Variants in BPI observed in about 807,000 individuals in gnomAD.
The protein encoded by BPI is bactericidal permeability increasing protein.
In BPI, 48 loss-of-function variants were observed where a neutral mutation model predicts 57.6. The ratio of observed to expected loss-of-function variants is 0.83; its 90% CI spans 0.66 to 1.06. BPI has a LOEUF of 1.06. Among genes scored for constraint, BPI ranks in the 50% least tolerant of loss-of-function variants. The pLI, the probability that BPI is intolerant of heterozygous loss-of-function variation, is 0.00. For missense variants in BPI, 651 were observed against 609.7 expected (o/e 1.07, Z -0.71); for synonymous variants, 237 against 238.2 (o/e 0.99, Z 0.05).
chr20:38,336,919 C>G (rs1448919875), intron 14 of BPI, among the ~76,000 whole-genome samples: 1 of 152,148 alleles, frequency 6.6e-6, no homozygotes, highest in Non-Finnish European at 1.5e-5. Context: ...GTCTCCGTGT[C>G]TAAGAAGGAG....
intron 14 of BPI, among the ~76,000 whole-genome samples, chr20:38,336,138 A>G (rs1030826978): frequency 6.6e-6 from 1 of 152,008 alleles, no homozygotes; most frequent in Admixed American, 6.5e-5. Context: ...TGCATTTGAC[A>G]CTGATGCGCT....
At position 38,337,257 on chromosome 20, in the gene BPI, C is replaced by A; in HGVS notation, c.*73C>A. 7.6e-7 allele frequency: 1 copy of A among 1,318,372 alleles called. No homozygotes were observed. The highest frequency in any genetic ancestry group is 1.3e-5 in the South Asian group (1 of 74,330). 81.7% of individuals were successfully genotyped at this position (1,318,372 alleles called of 1,614,324 possible). ...GCTGTGGGGCACCGGCTGCCTTTCC[C>A]CAGGGAATCCTCTCCAGATCTTAAC... On this transcript the variant is annotated 3_prime_UTR_variant, in exon 15 of 15. Coordinates refer to ENST00000642449, the MANE Select transcript of BPI (RefSeq NM_001725.3).
At chr20:38,336,904 G>A (rs1016644038) in intron 14 of BPI, among the ~76,000 whole-genome samples, 6 of 152,100 alleles carry the variant, frequency 3.9e-5, no homozygotes, top group African/African-American at 7.2e-5. Flanking sequence ...AAAACAGCCC[G>A]GGGGGTCTCC....
intron 8 of BPI, 29 bp from the exon 9 acceptor site, chr20:38,324,745 C>G (rs377647713): frequency 8.5e-5 from 135 of 1,586,268 alleles, no homozygotes; most frequent in Non-Finnish European, 1.1e-4. Context: ...CAGCATCCTC[C>G]GAGATCCTTT....
intron 1 of BPI, among the ~76,000 whole-genome samples, chr20:38,307,323 C>T (rs994678152): frequency 6.6e-6 from 1 of 152,232 alleles, no homozygotes; most frequent in East Asian, 1.9e-4. Context: ...ATGATATTGT[C>T]TATGGCTGTT....
rs2076623514 is a variant in BPI, at chr20:38,311,856, C to T, written c.537-18C>T. 2.5e-6 allele frequency: 4 copies of T among 1,613,288 alleles called. No homozygotes were observed. The highest frequency in any genetic ancestry group is 1.3e-5 in the African/African-American group (1 of 74,986). ...CAATCAAAAAGCCTCATCTATGTCCCTACTTGTTCATCTCTAGGTGGCTGA... is the reference window on the plus strand; with the variant it reads ...CAATCAAAAAGCCTCATCTATGTCCTTACTTGTTCATCTCTAGGTGGCTGA... On this transcript the variant is annotated intron_variant, in intron 4 of 14. Transcript: ENST00000642449.
chr20:38,334,225 A>G (rs1415912058), intron 12 of BPI, among the ~76,000 whole-genome samples: 8 of 152,208 alleles, frequency 5.3e-5, no homozygotes, highest in Admixed American at 2.6e-4. Context: ...CCATTGGAGC[A>G]AAAGAAACCA....
chr20:38,313,553 G>A (rs2122506706), intron 5 of BPI, among the ~76,000 whole-genome samples: 2 of 152,284 alleles, frequency 1.3e-5, no homozygotes, highest in Middle Eastern at 6.8e-3. Flanking sequence ...TGAGAGGAGT[G>A]TTGAGATATA....
At chr20:38,309,966 T>C (rs2076614388) in intron 3 of BPI, among the ~76,000 whole-genome samples, 1 of 152,232 alleles carries the variant, frequency 6.6e-6, no homozygotes, top group South Asian at 2.1e-4. Flanking sequence ...CTCCCTGGGC[T>C]GTTTTGCATC....
chr20:38,308,303 AC>A (rs371584869), intron 2 of BPI, among the ~76,000 whole-genome samples: 255 of 152,086 alleles, frequency 1.7e-3, no homozygotes, highest in African/African-American at 4.5e-3. Flanking sequence ...TGCAAGCTCC[AC>A]CCCCGAAGAT....
At chr20:38,308,787 T>G in intron 2 of BPI, 143 bp from the exon 3 acceptor site, 1 of 1,157,602 alleles carries the variant, frequency 8.6e-7, no homozygotes, top group Non-Finnish European at 1.2e-6. Flanking sequence ...AAGCCTGCTT[T>G]CTTAGCTTTG....
intron 4 of BPI, 57 bp from the exon 5 acceptor site, chr20:38,311,817 A>G: frequency 6.4e-7 from 1 of 1,571,600 alleles, no homozygotes; most frequent in South Asian, 1.1e-5. Flanking sequence ...AGCCTCCTGA[A>G]TCCAGCCCAG....
At chr20:38,317,683 T>C (rs2076658667) in intron 5 of BPI, 1 of 828,266 alleles carries the variant, frequency 1.2e-6, no homozygotes, top group Admixed American at 2.0e-5. Flanking sequence ...AGACTCCATC[T>C]CTTGGTGGGG....
rs5743546 is a variant in BPI at position 38,335,795 on chromosome 20, T to C, written c.1413+121T>C. On this transcript the variant is annotated intron_variant, in intron 14 of 14. Transcript: ENST00000642449. ...AAGCGCCTTCTACCCTTACAACAACTCTGGGATGTGGGTGCTGTTAAAAAA... is the reference window on the plus strand; with the variant it reads ...AAGCGCCTTCTACCCTTACAACAACCCTGGGATGTGGGTGCTGTTAAAAAA... 5,009 of 917,786 alleles carry C rather than the reference T, an allele frequency of 5.5e-3. 148 individuals are homozygous for C. In the African/African-American group the frequency reaches 0.068, roughly 12 times the overall value. The allele number at this position is 917,786 out of a possible 1,614,324, so 56.9% of individuals were successfully genotyped here. A position where few individuals can be genotyped will look rare whatever the true frequency, so the allele number is the denominator to read the frequency against.
intron 3 of BPI, among the ~76,000 whole-genome samples, 153 bp from the exon 4 acceptor site, chr20:38,310,338 A>G (rs528240268): frequency 2.2e-4 from 34 of 152,314 alleles, no homozygotes; most frequent in African/African-American, 8.2e-4. Context: ...TTCGGCTGCT[A>G]TGTGATCTTG....
chr20:38,318,282 G>C, intron 5 of BPI, 131 bp from the exon 6 acceptor site: 2 of 1,193,626 alleles, frequency 1.7e-6, no homozygotes, highest in South Asian at 2.6e-5. Flanking sequence ...AAAAAGAAAA[G>C]GGAAACTTGA....
At chr20:38,315,932 A>G (rs1403299405) in intron 5 of BPI, among the ~76,000 whole-genome samples, 2 of 151,112 alleles carry the variant, frequency 1.3e-5, no homozygotes, top group Non-Finnish European at 2.9e-5. Context: ...TCCCGGGTTC[A>G]AGAGATTCTC....
Position 38,327,579 on chromosome 20 carries a change from T to C in BPI, c.1162-9T>C, listed in dbSNP as rs2076719731. The C allele has an allele frequency of 5.0e-6, 8 of 1,612,406 alleles. No individual in the cohort carries two copies. Among genetic ancestry groups the C allele is most frequent in the Non-Finnish European group, 6.8e-6 (8 of 1,179,328 alleles). The stretch of plus-strand genomic sequence containing the variant: ...CAGGGCACTTCACCCTGGGTTGTTG[T>C]TTTGGCAGCACACAACTGGTTCCAT... On this transcript the variant is annotated splice_polypyrimidine_tract_variant and intron_variant, in intron 10 of 14. Coordinates refer to ENST00000642449, the MANE Select transcript of BPI (RefSeq NM_001725.3).
chr20:38,313,392 A>T (rs775575630), intron 5 of BPI, among the ~76,000 whole-genome samples: 5,514 of 44,564 alleles, frequency 0.12, 95 homozygotes, highest in East Asian at 0.22. Flanking sequence ...TCAAAAAAAA[A>T]AAAAAAAAAA....
Sources: allele counts gnomAD v4.1 joint callset (sites outside exome capture counted in the v4.1 genomes callset), GRCh38; gene constraint gnomAD v4.1.1; transcripts MANE v1.5; gene names NCBI Gene and HGNC (gene_info 2026-07-23, HGNC 2026-07-21).